Variants in ADAMTSL3 observed in about 807,000 individuals in gnomAD.
ADAMTSL3 encodes the protein ADAMTS-like protein 3.
In ADAMTSL3, 128 loss-of-function variants were observed where a neutral mutation model predicts 201.7. The ratio of observed to expected loss-of-function variants is 0.63; its 90% confidence interval spans 0.55 to 0.73. The LOEUF is 0.73. Among genes scored for constraint, ADAMTSL3 ranks in the 30% least tolerant of loss-of-function variants. ADAMTSL3 has a pLI of 0.00. For missense variants in ADAMTSL3, 1,990 were observed against 2,119.6 expected, an observed-to-expected ratio of 0.94 and a Z score of 1.20; for synonymous variants, 738 against 748.4, an observed-to-expected ratio of 0.99 and a Z score of 0.23.
At chr15:83,725,165 C>A (rs576080356) in intron 3 of ADAMTSL3, among the ~76,000 whole-genome samples, 6 of 152,220 alleles carry the variant, frequency 3.9e-5, no homozygotes, top group African/African-American at 1.4e-4. Context: ...ATTTACATTC[C>A]CACCAACAGT....
At chr15:83,878,560 G>A (rs2065218020) in intron 9 of ADAMTSL3, among the ~76,000 whole-genome samples, 1 of 152,004 alleles carries the variant, frequency 6.6e-6, no homozygotes. Flanking sequence ...GTTGCAGTGG[G>A]CCAAGATTGC....
intron 3 of ADAMTSL3, among the ~76,000 whole-genome samples, chr15:83,735,541 T>G (rs988932538): frequency 7.3e-5 from 11 of 150,632 alleles, no homozygotes; most frequent in African/African-American, 2.4e-4. Context: ...TTCCAGAAGC[T>G]TCTCCCATGA....
At chr15:83,666,958 T>G (rs2061255798) in intron 2 of ADAMTSL3, among the ~76,000 whole-genome samples, 1 of 152,114 alleles carries the variant, frequency 6.6e-6, no homozygotes, top group South Asian at 2.1e-4. Flanking sequence ...ACAAAGAGTA[T>G]TAATTTTTTA....
chr15:83,813,659 G>A (rs147908286), intron 5 of ADAMTSL3, among the ~76,000 whole-genome samples: 3 of 152,292 alleles, frequency 2.0e-5, no homozygotes, highest in Non-Finnish European at 2.9e-5. Flanking sequence ...TCTGTCAGGG[G>A]AGATGGGGAT....
intron 9 of ADAMTSL3, 112 bp from the exon 10 acceptor site, chr15:83,884,989 T>A (rs2065357827): frequency 3.0e-6 from 2 of 664,276 alleles, no homozygotes; most frequent in East Asian, 2.8e-5. Flanking sequence ...ATAGTTTTTC[T>A]AATGGATGGG....
chr15:83,803,740 G>A (rs529981336), intron 4 of ADAMTSL3, among the ~76,000 whole-genome samples: 2 of 152,290 alleles, frequency 1.3e-5, no homozygotes, highest in South Asian at 4.1e-4. Flanking sequence ...GAGGAAGATA[G>A]GTTATGTGGT....
At chr15:83,810,073 A>G (rs1389282067) in intron 5 of ADAMTSL3, among the ~76,000 whole-genome samples, 1 of 152,130 alleles carries the variant, frequency 6.6e-6, no homozygotes, top group Non-Finnish European at 1.5e-5. Flanking sequence ...TTCTATCTGT[A>G]TCTCTCCACT....
At chr15:84,028,334 C>T (rs1444005724) in intron 27 of ADAMTSL3, among the ~76,000 whole-genome samples, 1 of 152,142 alleles carries the variant, frequency 6.6e-6, no homozygotes, top group African/African-American at 2.4e-5. Flanking sequence ...AGAGCACAGA[C>T]TCAGAACATA....
chr15:83,818,117 T>C (rs1026879387), intron 5 of ADAMTSL3, among the ~76,000 whole-genome samples: 1 of 152,176 alleles, frequency 6.6e-6, no homozygotes, highest in Non-Finnish European at 1.5e-5. Flanking sequence ...TTTTGAATAG[T>C]CTATAAAATG....
chr15:83,881,905 GC>G (rs1227591418), intron 9 of ADAMTSL3, among the ~76,000 whole-genome samples: 1 of 149,478 alleles, frequency 6.7e-6, no homozygotes, highest in Non-Finnish European at 1.5e-5. Flanking sequence ...TGTAATCCCA[GC>G]ACTTTGGGAA....
chr15:83,830,380 G>A (rs919455012), intron 6 of ADAMTSL3, among the ~76,000 whole-genome samples: 1 of 152,214 alleles, frequency 6.6e-6, no homozygotes, highest in African/African-American at 2.4e-5. Context: ...AGGGAGAGGT[G>A]CCCCTGATGG....
chr15:83,745,177 A>G (rs578026620), intron 3 of ADAMTSL3, among the ~76,000 whole-genome samples: 100 of 152,314 alleles, frequency 6.6e-4, no homozygotes, highest in African/African-American at 2.4e-3. Context: ...AGGAGTCCAC[A>G]TGGGGAGTAT....
At chr15:83,667,850 G>A (rs1027018891) in intron 2 of ADAMTSL3, among the ~76,000 whole-genome samples, 1 of 152,094 alleles carries the variant, frequency 6.6e-6, no homozygotes, top group Non-Finnish European at 1.5e-5. Context: ...ATGGGATGAA[G>A]GGGTGGGTGG....
chr15:83,838,342 A>G (rs1426795882), intron 7 of ADAMTSL3, 127 bp downstream of exon 7: 1 of 1,254,272 alleles, frequency 8.0e-7, no homozygotes, highest in Admixed American at 3.3e-5. Flanking sequence ...CAATTTTCTA[A>G]AAGTGAAATT....
intron 3 of ADAMTSL3, among the ~76,000 whole-genome samples, chr15:83,722,945 G>C (rs1011265036): frequency 1.3e-5 from 2 of 152,052 alleles, no homozygotes; most frequent in African/African-American, 4.8e-5. Flanking sequence ...ATTTCTGATG[G>C]AGAAGCTTCA....
intron 2 of ADAMTSL3, among the ~76,000 whole-genome samples, chr15:83,664,215 A>G (rs771834864): frequency 6.6e-5 from 10 of 152,188 alleles, no homozygotes; most frequent in Non-Finnish European, 1.3e-4. Flanking sequence ...TTAAAAATAA[A>G]CACAATCTTC....
intron 3 of ADAMTSL3, among the ~76,000 whole-genome samples, chr15:83,706,192 T>C (rs79706217): frequency 0.077 from 11,754 of 152,236 alleles, 701 homozygotes; most frequent in East Asian, 0.19. Flanking sequence ...AAAGCGGGTG[T>C]CTGGAAAATA....
intron 4 of ADAMTSL3, among the ~76,000 whole-genome samples, chr15:83,782,912 G>A (rs1047997356): frequency 6.9e-6 from 1 of 145,322 alleles, no homozygotes; most frequent in Non-Finnish European, 1.5e-5. Flanking sequence ...AATGGATAGC[G>A]TATATATATA....
intron 17 of ADAMTSL3, among the ~76,000 whole-genome samples, chr15:83,940,061 A>G (rs1360164584): frequency 6.6e-6 from 1 of 152,094 alleles, no homozygotes; most frequent in Non-Finnish European, 1.5e-5. Flanking sequence ...ATTATTGTCA[A>G]ACTTTTTTAA....
Sources: gnomAD v4.1 joint callset for allele counts (sites outside exome capture counted in the v4.1 genomes callset) on GRCh38, gnomAD v4.1.1 for gene constraint, MANE v1.5 for transcripts, NCBI Gene and HGNC (gene_info 2026-07-23, HGNC 2026-07-21) for gene names.